FRMPD2: variants seen among roughly 807,000 people sequenced by gnomAD.
FRMPD2 encodes the protein FERM and PDZ domain-containing protein 2.
In FRMPD2, 96 loss-of-function variants were observed where a neutral mutation model predicts 140.1. That is an observed-to-expected ratio of 0.69 (90% CI 0.58 to 0.81). The LOEUF (loss-of-function observed/expected upper bound fraction) is 0.81. Ranked by LOEUF, FRMPD2 falls within the 40% of genes least tolerant of loss-of-function variation. The pLI, the probability that FRMPD2 is intolerant of heterozygous loss-of-function variation, is 0.00. For missense variants in FRMPD2, 1,240 were observed against 1,447.4 expected, an observed-to-expected ratio of 0.86 and a Z score of 2.32; for synonymous variants, 449 against 547.6, an observed-to-expected ratio of 0.82 and a Z score of 2.52.
At chr10:48,266,636 G>C (rs114161324) in intron 1 of FRMPD2, among the ~76,000 whole-genome samples, 1,660 of 152,330 alleles carry the variant, frequency 0.011, 32 homozygotes, top group African/African-American at 0.038. Context: ...GGAGAGCCCA[G>C]ACATTACACT....
At chr10:48,236,679 G>A (rs1266836413) in intron 8 of FRMPD2, 126 bp from the exon 9 acceptor site, 3 of 837,698 alleles carry the variant, frequency 3.6e-6, no homozygotes, top group Non-Finnish European at 5.9e-6. Flanking sequence ...CAGAAAACAG[G>A]CCAAGATGGG....
intron 16 of FRMPD2, among the ~76,000 whole-genome samples, chr10:48,190,091 C>T (rs1358093220): frequency 2.0e-5 from 3 of 152,148 alleles, no homozygotes; most frequent in East Asian, 3.9e-4. Context: ...TCAGAAGGGG[C>T]CCCCGGCAGA....
intron 10 of FRMPD2, among the ~76,000 whole-genome samples, chr10:48,227,527 G>A (rs968107686): frequency 3.9e-5 from 6 of 152,154 alleles, no homozygotes; most frequent in African/African-American, 4.8e-5. Flanking sequence ...TTTGTTTTTC[G>A]TCTTTGGGAG....
rs555006982 is a variant in FRMPD2 at position 48,163,960 on chromosome 10, A to C, written c.3538-289T>G. ...GATAAAAATGGAAGATAAATATGCA[A>C]AACAATGACTCTATTCCACTCTCCG... On this transcript the variant is annotated intron_variant, in intron 27 of 28. Coordinates refer to ENST00000374201, the MANE Select transcript of FRMPD2 (RefSeq NM_001018071.4). Among the ~76,000 whole-genome samples the C allele has an allele frequency of 1.3e-4, 20 of 151,404 alleles. 1 individual carries two copies. In the East Asian group the frequency reaches 3.1e-3, roughly 23 times the overall value.
intron 23 of FRMPD2, among the ~76,000 whole-genome samples, chr10:48,175,325 C>G (rs1183388777): frequency 5.3e-5 from 8 of 151,922 alleles, no homozygotes; most frequent in Admixed American, 1.3e-4. Flanking sequence ...AAAAAAAGGT[C>G]AGGGAGGCAT....
chr10:48,242,073 TTTAG>T (rs1427009792), intron 5 of FRMPD2, 84 bp downstream of exon 5: 4 of 933,194 alleles, frequency 4.3e-6, no homozygotes, highest in Non-Finnish European at 6.3e-6. Context: ...TTTATTTTAT[TTTAG>T]TTAATGATAA....
chr10:48,184,576 A>G lies in FRMPD2; in HGVS notation c.2574T>C (p.Ser858=). The G allele has an allele frequency of 6.2e-7, 1 of 1,603,330 alleles. No homozygotes were observed. The highest frequency in any genetic ancestry group is 8.5e-7 in the Non-Finnish European group (1 of 1,170,344). The part of the protein sequence containing the change: ...NSPDNIELII[S]QSKGVGGNNP... ...TGGGTTAAAACATACCTTTTGACTGAGAAATAATTAATTCTATGTTGTCAG... is the reference window on the plus strand; with the variant it reads ...TGGGTTAAAACATACCTTTTGACTGGGAAATAATTAATTCTATGTTGTCAG... Residue 858 remains serine (S), a synonymous_variant, in exon 20 of 29, where the codon TCT becomes TCC. Coordinates refer to ENST00000374201, the MANE Select transcript of FRMPD2 (RefSeq NM_001018071.4).
chr10:48,192,178 A>G (rs1838844507), intron 16 of FRMPD2, among the ~76,000 whole-genome samples: 1 of 152,230 alleles, frequency 6.6e-6, no homozygotes, highest in African/African-American at 2.4e-5. Flanking sequence ...GGTTGGCCCT[A>G]GAGTGTTTAA....
chr10:48,271,928 A>C (rs1406471574), intron 1 of FRMPD2, among the ~76,000 whole-genome samples: 2 of 152,240 alleles, frequency 1.3e-5, no homozygotes, highest in Non-Finnish European at 2.9e-5. Context: ...GCAGTTTTTC[A>C]ATAAATCCTA....
At chr10:48,182,255 T>C (rs1309424968) in intron 20 of FRMPD2, among the ~76,000 whole-genome samples, 3 of 152,222 alleles carry the variant, frequency 2.0e-5, no homozygotes, top group African/African-American at 7.2e-5. Flanking sequence ...ATCATTGTCC[T>C]TCTGGCAGTG....
chr10:48,186,555 T>C (rs1453981317), intron 17 of FRMPD2, among the ~76,000 whole-genome samples: 1 of 152,204 alleles, frequency 6.6e-6, no homozygotes, highest in Non-Finnish European at 1.5e-5. Flanking sequence ...TTCTTCCTCA[T>C]TTTTCTCTTG....
intron 15 of FRMPD2, among the ~76,000 whole-genome samples, chr10:48,196,910 T>C (rs1838967857): frequency 6.6e-6 from 1 of 152,180 alleles, no homozygotes; most frequent in African/African-American, 2.4e-5. Flanking sequence ...AGTGAGCTCA[T>C]GAAATATTTA....
chr10:48,254,602 C>T (rs1840452082), intron 1 of FRMPD2, among the ~76,000 whole-genome samples: 1 of 152,268 alleles, frequency 6.6e-6, no homozygotes, highest in South Asian at 2.1e-4. Context: ...TCAAAGCCCA[C>T]TGCTACTTCC....
intron 12 of FRMPD2, among the ~76,000 whole-genome samples, chr10:48,212,413 C>T (rs759556476): frequency 1.1e-4 from 16 of 152,066 alleles, no homozygotes; most frequent in Non-Finnish European, 1.8e-4. Flanking sequence ...ATTGTCATTG[C>T]CATTGACAAG....
chr10:48,167,974 G>A (rs1413056915), intron 27 of FRMPD2, among the ~76,000 whole-genome samples: 1 of 148,366 alleles, frequency 6.7e-6, no homozygotes, highest in Non-Finnish European at 1.5e-5. Flanking sequence ...GGCCTCCCCT[G>A]TAGAATTGGA....
At chr10:48,266,515 A>C (rs1008906547) in intron 1 of FRMPD2, among the ~76,000 whole-genome samples, 1 of 152,272 alleles carries the variant, frequency 6.6e-6, no homozygotes, top group Non-Finnish European at 1.5e-5. Flanking sequence ...AAGGGACAAA[A>C]TAGAGTCAAA....
chr10:48,196,167 G>T (rs1838944152), intron 15 of FRMPD2, among the ~76,000 whole-genome samples: 1 of 152,192 alleles, frequency 6.6e-6, no homozygotes, highest in Non-Finnish European at 1.5e-5. Context: ...TGAACAGCCT[G>T]CAAGCTGGCA....
rs1280978480 is a variant in FRMPD2 at position 48,156,904 on chromosome 10, T to A, written c.*418A>T. ...CTGACACAGCCCCCCCAACTCTGGG[T>A]TCCTGGTATGGGGTAAGTTTTTAGT... On this transcript the variant is annotated 3_prime_UTR_variant, in exon 29 of 29. Coordinates refer to ENST00000374201, the MANE Select transcript of FRMPD2 (RefSeq NM_001018071.4). 5.0e-6 allele frequency: 1 copy of A among 198,448 alleles called. No homozygotes were observed. The allele number at this position is 198,448 out of a possible 1,614,324, so 12.3% of individuals were successfully genotyped here.
At chr10:48,206,417 C>A (rs148347524) in intron 14 of FRMPD2, among the ~76,000 whole-genome samples, 1 of 152,266 alleles carries the variant, frequency 6.6e-6, no homozygotes, top group Non-Finnish European at 1.5e-5. Context: ...TCCAACTTTG[C>A]TCTCAACGTT....
Sources: gnomAD v4.1 joint callset for allele counts (sites outside exome capture counted in the v4.1 genomes callset) on GRCh38, gnomAD v4.1.1 for gene constraint, MANE v1.5 for transcripts, NCBI Gene and HGNC (gene_info 2026-07-23, HGNC 2026-07-21) for gene names.